STAM: variants seen among roughly 807,000 people sequenced by gnomAD.
STAM encodes signal transducing adaptor molecule.
Under a neutral mutation model 63.4 loss-of-function variants are expected in STAM, and 16 were observed. The observed-to-expected ratio is 0.25, with a 90% CI of 0.17 to 0.38. STAM has a LOEUF of 0.38. Ranked by LOEUF, STAM falls within the 10% of genes least tolerant of loss-of-function variation. The pLI, the probability that STAM is intolerant of heterozygous loss-of-function variation, is 1.00. For synonymous variants in STAM, 238 were observed against 223.9 expected (o/e 1.06, Z -0.56); for missense variants, 636 against 657.1 (o/e 0.97, Z 0.35).
chr10:17,669,399 C>G (rs1275131385), intron 2 of STAM, among the ~76,000 whole-genome samples: 1 of 149,522 alleles, frequency 6.7e-6, no homozygotes, highest in Non-Finnish European at 1.5e-5. Context: ...TATTCTTTCC[C>G]CTTCCTACTC....
At chr10:17,704,397 G>T (rs781981248) in intron 9 of STAM, 34 bp from the exon 10 acceptor site, 3 of 1,574,906 alleles carry the variant, frequency 1.9e-6, no homozygotes, top group East Asian at 4.5e-5. Flanking sequence ...CTAAAGGTTG[G>T]TAGCTTTTTA....
chr10:17,650,063 C>G (rs1833677876), intron 1 of STAM, among the ~76,000 whole-genome samples: 1 of 152,194 alleles, frequency 6.6e-6, no homozygotes, highest in Admixed American at 6.5e-5. Context: ...TGGGCCAGTC[C>G]ACATCCTACA....
intron 12 of STAM, 110 bp downstream of exon 12, chr10:17,705,851 T>C (rs1433969370): frequency 2.0e-6 from 2 of 1,018,920 alleles, no homozygotes; most frequent in Non-Finnish European, 2.8e-6. Context: ...GAGGATTGCT[T>C]GAGACCAGGA....
intron 1 of STAM, among the ~76,000 whole-genome samples, chr10:17,653,155 C>A (rs1833803142): frequency 6.6e-6 from 1 of 152,084 alleles, no homozygotes; most frequent in East Asian, 1.9e-4. Flanking sequence ...AGGATAGGGA[C>A]CTGGAGATTA....
intron 2 of STAM, among the ~76,000 whole-genome samples, chr10:17,678,469 G>A (rs1233668400): frequency 2.0e-5 from 3 of 152,094 alleles, no homozygotes; most frequent in African/African-American, 7.2e-5. Flanking sequence ...GGCCAGGCTG[G>A]TCTCGAACTC....
chr10:17,658,249 T>A (rs913303751), intron 1 of STAM, among the ~76,000 whole-genome samples: 2 of 151,694 alleles, frequency 1.3e-5, no homozygotes, highest in South Asian at 4.1e-4. Context: ...TACTTTGGGA[T>A]TTTCCAGCTA....
At chr10:17,684,606 A>G (rs1372776691) in intron 2 of STAM, 69 bp from the exon 3 acceptor site, 14 of 1,261,842 alleles carry the variant, frequency 1.1e-5, no homozygotes, top group Middle Eastern at 2.0e-4. Context: ...TCTTTTGTCT[A>G]TAACAGTTAA....
intron 2 of STAM, among the ~76,000 whole-genome samples, chr10:17,664,798 T>G (rs1834311497): frequency 6.6e-6 from 1 of 152,152 alleles, no homozygotes; most frequent in Non-Finnish European, 1.5e-5. Flanking sequence ...AAAAAATTAT[T>G]ATTGCTATTT....
rs1836744132 is a variant in STAM at position 17,714,915 on chromosome 10, A to C, written c.*135A>C. 1.2e-6 allele frequency: 1 copy of C among 855,860 alleles called. No individual in the cohort carries two copies. Among genetic ancestry groups the C allele is most frequent in the Non-Finnish European group, 1.9e-6 (1 of 538,202 alleles). The allele number at this position is 855,860 out of a possible 1,614,324, so 53.0% of individuals were successfully genotyped here. A position where few individuals can be genotyped will look rare whatever the true frequency, so the allele number is the denominator to read the frequency against. On this transcript the variant is annotated 3_prime_UTR_variant, in exon 14 of 14. Coordinates refer to ENST00000377524, the MANE Select transcript of STAM (RefSeq NM_003473.4). The stretch of plus-strand genomic sequence containing the variant: ...AGGTCAACAGGTTCAAATATTCAAG[A>C]AGGTAGAACTCTCCTCAATTTACAC...
intron 13 of STAM, among the ~76,000 whole-genome samples, chr10:17,711,845 A>C (rs1038501722): frequency 6.6e-6 from 1 of 152,238 alleles, no homozygotes; most frequent in Non-Finnish European, 1.5e-5. Context: ...AAAGGGCTTT[A>C]AATGGCAGTA....
Position 17,672,939 on chromosome 10 carries a change from C to T in STAM, c.126-11736C>T, listed in dbSNP as rs574716309. On this transcript the variant is annotated intron_variant, in intron 2 of 13. Transcript: ENST00000377524. ...CTCCTTTCCCTGTTCTTTGTCCCTG[C>T]CCCTGACCCCTATCTTTTTCTTTTC... The T allele has an allele frequency of 1.1e-5, 8 of 703,704 alleles. No homozygotes were observed. In the African/African-American group the frequency reaches 1.5e-4, roughly 14 times the overall value. The allele number at this position is 703,704 out of a possible 1,614,324, so 43.6% of individuals were successfully genotyped here. A position where few individuals can be genotyped will look rare whatever the true frequency, so the allele number is the denominator to read the frequency against.
chr10:17,683,258 G>T (rs1167729993), intron 2 of STAM, among the ~76,000 whole-genome samples: 1 of 152,014 alleles, frequency 6.6e-6, no homozygotes, highest in Non-Finnish European at 1.5e-5. Flanking sequence ...CGACCTCTGG[G>T]GCTCAAGTGA....
chr10:17,698,649 A>G (rs1554827946), intron 8 of STAM, among the ~76,000 whole-genome samples: 1 of 152,122 alleles, frequency 6.6e-6, no homozygotes, highest in African/African-American at 2.4e-5. Context: ...TCAAAGAGAA[A>G]TAGCTGCCCT....
In STAM at chr10:17,695,147, G is replaced by A; in HGVS notation, c.634G>A (p.Gly212Ser). ...TCTCTTAACTAACCACCAACATGAA[G>A]GCCGAAAAGTTCGTGCTATATATGA... The part of the protein sequence containing the change: ...SSLLTNHQHE[G>S]RKVRAIYDFE... Residue 212 changes from glycine to serine, a missense_variant, in exon 7 of 14, where the codon GGC (glycine) becomes AGC (serine). Coordinates refer to ENST00000377524, the MANE Select transcript of STAM (RefSeq NM_003473.4). 1.2e-6 allele frequency: 2 copies of A among 1,614,048 alleles called. No homozygotes were observed. Among genetic ancestry groups the A allele is most frequent in the Admixed American group, 3.3e-5 (2 of 60,006 alleles).
At chr10:17,713,921 C>G (rs1205677284) in intron 13 of STAM, among the ~76,000 whole-genome samples, 1 of 152,112 alleles carries the variant, frequency 6.6e-6, no homozygotes, top group Non-Finnish European at 1.5e-5. Flanking sequence ...TCCCCACCAC[C>G]GCAGTCCTGC....
At chr10:17,691,125 T>G (rs1835511987) in intron 5 of STAM, among the ~76,000 whole-genome samples, 1 of 152,212 alleles carries the variant, frequency 6.6e-6, no homozygotes, top group South Asian at 2.1e-4. Flanking sequence ...ATTAAAACAT[T>G]ATCTAAAGAA....
At chr10:17,685,092 G>A (rs782699553) in intron 4 of STAM, among the ~76,000 whole-genome samples, 165 bp downstream of exon 4, 6 of 151,888 alleles carry the variant, frequency 4.0e-5, no homozygotes, top group South Asian at 2.1e-4. Context: ...AAGAGACTGC[G>A]GATTCATGTA....
chr10:17,649,996 A>C (rs564600674), intron 1 of STAM, among the ~76,000 whole-genome samples: 1 of 152,318 alleles, frequency 6.6e-6, no homozygotes, highest in African/African-American at 2.4e-5. Flanking sequence ...CCTCTGCTAA[A>C]TCATCATATG....
intron 2 of STAM, among the ~76,000 whole-genome samples, chr10:17,667,779 C>G (rs1834456695): frequency 6.6e-6 from 1 of 152,210 alleles, no homozygotes; most frequent in African/African-American, 2.4e-5. Context: ...TGAAAAGAGA[C>G]AGAGTTCAAA....
Sources: gnomAD v4.1 joint callset for allele counts (sites outside exome capture counted in the v4.1 genomes callset) on GRCh38, gnomAD v4.1.1 for gene constraint, MANE v1.5 for transcripts, NCBI Gene and HGNC (gene_info 2026-07-23, HGNC 2026-07-21) for gene names.